Variants in BRINP3 observed in about 807,000 individuals in gnomAD.
The protein encoded by BRINP3 is BMP/retinoic acid inducible neural specific 3, also known as BMP/retinoic acid-inducible neural-specific protein 3.
In BRINP3, 19 loss-of-function variants were observed where a neutral mutation model predicts 71.0. The observed-to-expected ratio is 0.27, with a 90% CI of 0.19 to 0.39. BRINP3 has a LOEUF of 0.39. Ranked by LOEUF, BRINP3 falls within the 10% of genes least tolerant of loss-of-function variation. The pLI is 1.00. For missense variants in BRINP3, 959 were observed against 940.8 expected (o/e 1.02, Z -0.25); for synonymous variants, 380 against 337.7 (o/e 1.13, Z -1.37).
chr1:190,314,174 C>A (rs1665724809), intron 2 of BRINP3, among the ~76,000 whole-genome samples: 1 of 151,712 alleles, frequency 6.6e-6, no homozygotes, highest in African/African-American at 2.4e-5. Flanking sequence ...TCAATCTGTA[C>A]CAAAAATTGT....
chr1:190,344,136 C>A (rs899665103), intron 2 of BRINP3, among the ~76,000 whole-genome samples: 3 of 151,688 alleles, frequency 2.0e-5, no homozygotes, highest in African/African-American at 7.2e-5. Context: ...AGAAAAAAAT[C>A]TTCTTCTATT....
At chr1:190,444,614 A>G (rs1231616883) in intron 2 of BRINP3, among the ~76,000 whole-genome samples, 1 of 151,878 alleles carries the variant, frequency 6.6e-6, no homozygotes, top group Non-Finnish European at 1.5e-5. Context: ...AGCTCGCTGA[A>G]ACCTCTGTCT....
chr1:190,131,485 C>A (rs1403562348), intron 7 of BRINP3, among the ~76,000 whole-genome samples: 2 of 151,994 alleles, frequency 1.3e-5, no homozygotes, highest in Non-Finnish European at 2.9e-5. Context: ...AGGCTTCTGA[C>A]TCCCACATTC....
chr1:190,191,838 G>GA (rs1466972188), intron 6 of BRINP3, among the ~76,000 whole-genome samples: 1 of 151,884 alleles, frequency 6.6e-6, no homozygotes, highest in Non-Finnish European at 1.5e-5. Context: ...TTATGTTTCG[G>GA]AAAAAATATA....
chr1:190,139,357 C>A (rs368598861), intron 7 of BRINP3, among the ~76,000 whole-genome samples: 2 of 146,794 alleles, frequency 1.4e-5, no homozygotes, highest in South Asian at 2.2e-4. Context: ...GAGGCTTAAG[C>A]GGGAGAATCA....
At chr1:190,230,078 T>A (rs549439244) in intron 5 of BRINP3, among the ~76,000 whole-genome samples, 1 of 151,902 alleles carries the variant, frequency 6.6e-6, no homozygotes, top group South Asian at 2.1e-4. Flanking sequence ...ATTTAAGAGA[T>A]AATTAGGGAA....
chr1:190,392,508 T>C (rs754941019), intron 2 of BRINP3, among the ~76,000 whole-genome samples: 8 of 151,660 alleles, frequency 5.3e-5, no homozygotes, highest in Non-Finnish European at 8.9e-5. Flanking sequence ...CTGCATCTCT[T>C]ATATGATACA....
chr1:190,162,840 T>C (rs770848970), intron 6 of BRINP3, among the ~76,000 whole-genome samples: 1 of 152,158 alleles, frequency 6.6e-6, no homozygotes. Context: ...GGTTTTAATA[T>C]GACACTTGAA....
At chr1:190,251,909 C>G (rs1049746416) in intron 4 of BRINP3, among the ~76,000 whole-genome samples, 8 of 150,014 alleles carry the variant, frequency 5.3e-5, no homozygotes, top group Non-Finnish European at 8.8e-5. Context: ...TGTAGGCAAA[C>G]TAATCCAGTT....
chr1:190,277,087 TTATATA>T lies in BRINP3; in HGVS notation c.427+4467_427+4472del, dbSNP rs1222129309. On this transcript the variant is annotated intron_variant, in intron 3 of 7. Transcript: ENST00000367462. ...TTTGATCCTGAAATAAATTTTGGTT[TTATATA>T]TATATATATATATATATATATATAT... Among the ~76,000 whole-genome samples the T allele has an allele frequency of 2.2e-3, 80 of 36,030 alleles. 6 individuals are homozygous for T. In the East Asian group the frequency reaches 0.064, roughly 29 times the overall value. 23.6% of individuals were successfully genotyped at this position (36,030 alleles called of 152,430 possible). A position where few individuals can be genotyped will look rare whatever the true frequency, so the allele number is the denominator to read the frequency against.
At chr1:190,102,961 T>C (rs750000944) in intron 7 of BRINP3, among the ~76,000 whole-genome samples, 1 of 152,068 alleles carries the variant, frequency 6.6e-6, no homozygotes, top group African/African-American at 2.4e-5. Context: ...TGTGACATAC[T>C]AGTTTGAAAT....
rs555013808 is a variant in BRINP3, at chr1:190,154,939, C to A, written c.1184+5729G>T. ...AAAAAATGAGGCTGTTGCTTCAGGA[C>A]AAACAACTGATTTATTTAACGGCAA... On this transcript the variant is annotated intron_variant, in intron 7 of 7. Coordinates refer to ENST00000367462, the MANE Select transcript of BRINP3 (RefSeq NM_199051.3). 5.5e-4 allele frequency among the ~76,000 whole-genome samples: 83 copies of A among 152,142 alleles called. 1 individual carries two copies. The highest frequency in any genetic ancestry group is 2.0e-3 in the African/African-American group (82 of 41,506).
intron 1 of BRINP3, among the ~76,000 whole-genome samples, chr1:190,464,746 C>T (rs868635784): frequency 2.6e-5 from 4 of 151,754 alleles, no homozygotes; most frequent in South Asian, 4.1e-4. Context: ...AACTGAGCTT[C>T]CTTGTCTTCA....
At chr1:190,140,619 G>T (rs1196221818) in intron 7 of BRINP3, among the ~76,000 whole-genome samples, 1 of 152,014 alleles carries the variant, frequency 6.6e-6, no homozygotes, top group African/African-American at 2.4e-5. Flanking sequence ...TTTTGACATT[G>T]CTCAACATCA....
Position 190,385,542 on chromosome 1 carries a change from C to T in BRINP3, c.236+69113G>A, listed in dbSNP as rs561975247. 1.4e-3 allele frequency among the ~76,000 whole-genome samples: 209 copies of T among 151,992 alleles called. 1 individual carries two copies. Among genetic ancestry groups the T allele is most frequent in the African/African-American group, 4.8e-3 (199 of 41,472 alleles). ...AAAACCACAATGAGATACCATCTCACACCAGTTAGAATGGCAATCATTAAA... is the reference window on the plus strand; with the variant it reads ...AAAACCACAATGAGATACCATCTCATACCAGTTAGAATGGCAATCATTAAA... On this transcript the variant is annotated intron_variant, in intron 2 of 7. Transcript: ENST00000367462.
intron 1 of BRINP3, among the ~76,000 whole-genome samples, chr1:190,470,367 C>G (rs1342057476): frequency 6.6e-6 from 1 of 150,790 alleles, no homozygotes; most frequent in African/African-American, 2.4e-5. Flanking sequence ...ATGTAATGTT[C>G]ATGTATTTAT....
At chr1:190,208,169 C>T (rs1655680728) in intron 6 of BRINP3, among the ~76,000 whole-genome samples, 3 of 151,474 alleles carry the variant, frequency 2.0e-5, no homozygotes, top group Admixed American at 2.0e-4. Context: ...ACTATGTTTC[C>T]CTGGTCTTGA....
chr1:190,114,383 C>T (rs1178208918), intron 7 of BRINP3, among the ~76,000 whole-genome samples: 1 of 151,952 alleles, frequency 6.6e-6, no homozygotes, highest in African/African-American at 2.4e-5. Context: ...CAAGAATGGC[C>T]TAATACAACC....
intron 4 of BRINP3, among the ~76,000 whole-genome samples, chr1:190,237,820 T>C (rs1478106450): frequency 1.3e-5 from 2 of 152,194 alleles, no homozygotes; most frequent in South Asian, 2.1e-4. Context: ...AACACTGGAA[T>C]ACTGATAAGT....
Sources: allele counts gnomAD v4.1 joint callset (sites outside exome capture counted in the v4.1 genomes callset), GRCh38; gene constraint gnomAD v4.1.1; transcripts MANE v1.5; gene names NCBI Gene and HGNC (gene_info 2026-07-23, HGNC 2026-07-21).